MTHFS: variants seen among roughly 807,000 people sequenced by gnomAD.
MTHFS encodes the protein 5-formyltetrahydrofolate cyclo-ligase.
In MTHFS, 7 loss-of-function variants were observed where a neutral mutation model predicts 12.7. The observed-to-expected ratio is 0.55, with a 90% CI of 0.31 to 1.03. MTHFS has a LOEUF of 1.03. MTHFS is among the 50% of genes least tolerant of loss of function. MTHFS has a pLI of 0.05. For missense variants in MTHFS, 252 were observed against 258.1 expected (o/e 0.98, Z 0.16); for synonymous variants, 100 against 97.1 (o/e 1.03, Z -0.18).
At chr15:79,858,850 T>C (rs1354282147) in intron 2 of MTHFS, among the ~76,000 whole-genome samples, 2 of 152,228 alleles carry the variant, frequency 1.3e-5, no homozygotes, top group Non-Finnish European at 2.9e-5. Flanking sequence ...AAAATAACTT[T>C]AAAATTACTT....
intron 2 of MTHFS, among the ~76,000 whole-genome samples, chr15:79,854,695 T>C (rs556159626): frequency 6.6e-6 from 1 of 152,322 alleles, no homozygotes; most frequent in East Asian, 1.9e-4. Context: ...TGCAGAAAAA[T>C]TTCCAGTCTT....
intron 1 of MTHFS, among the ~76,000 whole-genome samples, chr15:79,895,840 A>C (rs1299244193): frequency 6.6e-6 from 1 of 152,222 alleles, no homozygotes; most frequent in African/African-American, 2.4e-5. Flanking sequence ...ATTCCAAGGA[A>C]CATCAAGTTT....
chr15:79,885,445 G>GGAT (rs2034365662), intron 2 of MTHFS, among the ~76,000 whole-genome samples: 1 of 152,136 alleles, frequency 6.6e-6, no homozygotes, highest in African/African-American at 2.4e-5. Context: ...GTTTAGTTTT[G>GGAT]ACTCTCCAGT....
At chr15:79,847,075 C>T (rs1447845231) in intron 2 of MTHFS, among the ~76,000 whole-genome samples, 1 of 152,208 alleles carries the variant, frequency 6.6e-6, no homozygotes, top group African/African-American at 2.4e-5. Flanking sequence ...CTAGAGACCC[C>T]AGCAGGGGGA....
intron 2 of MTHFS, chr15:79,877,290 T>C (rs2034214750): frequency 6.6e-6 from 1 of 151,812 alleles, no homozygotes. Context: ...AGAGAGACAA[T>C]GTGGCAGGAA....
At chr15:79,857,924 G>A (rs140252529) in intron 2 of MTHFS, among the ~76,000 whole-genome samples, 9 of 148,478 alleles carry the variant, frequency 6.1e-5, no homozygotes, top group Non-Finnish European at 8.9e-5. Context: ...GCTGAGACAG[G>A]AGAATTGCTT....
At chr15:79,859,684 G>A (rs1566989628) in intron 2 of MTHFS, among the ~76,000 whole-genome samples, 5 of 152,062 alleles carry the variant, frequency 3.3e-5, no homozygotes. Flanking sequence ...CAGGCATAAT[G>A]GCGGGAGCCT....
At chr15:79,849,437 G>C (rs543191193) in intron 2 of MTHFS, among the ~76,000 whole-genome samples, 1 of 152,226 alleles carries the variant, frequency 6.6e-6, no homozygotes, top group South Asian at 2.1e-4. Context: ...CACTATGCTG[G>C]ATGTTTTTCC....
At chr15:79,846,978 T>C (rs2033628030) in intron 2 of MTHFS, among the ~76,000 whole-genome samples, 1 of 152,168 alleles carries the variant, frequency 6.6e-6, no homozygotes, top group African/African-American at 2.4e-5. Flanking sequence ...GCAGTTCAGT[T>C]AGTACAAAAT....
intron 2 of MTHFS, among the ~76,000 whole-genome samples, chr15:79,878,914 C>T (rs1478311668): frequency 6.7e-6 from 1 of 149,946 alleles, no homozygotes; most frequent in Admixed American, 6.7e-5. Context: ...ACAATAATAA[C>T]ATAAATGGGG....
At chr15:79,896,565 A>G (rs2141384376) in intron 1 of MTHFS, among the ~76,000 whole-genome samples, 1 of 152,316 alleles carries the variant, frequency 6.6e-6, no homozygotes, top group South Asian at 2.1e-4. Flanking sequence ...AGGGTTTTCG[A>G]GCACCAAAAG....
At chr15:79,856,081 T>A (rs1341598004) in intron 2 of MTHFS, among the ~76,000 whole-genome samples, 1 of 152,212 alleles carries the variant, frequency 6.6e-6, no homozygotes, top group East Asian at 1.9e-4. Flanking sequence ...TAGTTCTTTG[T>A]GGGATCATCA....
At chr15:79,895,124 G>T (rs567119310) in intron 1 of MTHFS, among the ~76,000 whole-genome samples, 15 of 152,152 alleles carry the variant, frequency 9.9e-5, no homozygotes, top group Non-Finnish European at 2.1e-4. Context: ...CAAAGGTTCT[G>T]AGAGATTATG....
At chr15:79,851,448 G>A (rs2033715427) in intron 2 of MTHFS, among the ~76,000 whole-genome samples, 1 of 152,166 alleles carries the variant, frequency 6.6e-6, no homozygotes, top group Admixed American at 6.5e-5. Flanking sequence ...TATATCCAAG[G>A]AGTGACTTGT....
chr15:79,892,549 T>C (rs1373263129), intron 1 of MTHFS, among the ~76,000 whole-genome samples: 1 of 152,248 alleles, frequency 6.6e-6, no homozygotes, highest in Admixed American at 6.5e-5. Context: ...GCTTTGGTAC[T>C]GACACTTGAA....
intron 2 of MTHFS, among the ~76,000 whole-genome samples, chr15:79,847,905 G>A (rs2033648252): frequency 6.6e-6 from 1 of 152,104 alleles, no homozygotes; most frequent in Non-Finnish European, 1.5e-5. Flanking sequence ...TGCTGGTGGG[G>A]GTGTAAAATA....
chr15:79,849,707 C>T (rs1480816193), intron 2 of MTHFS, among the ~76,000 whole-genome samples: 1 of 152,260 alleles, frequency 6.6e-6, no homozygotes, highest in South Asian at 2.1e-4. Flanking sequence ...AAGAGCCAAC[C>T]TGCTCTGATT....
intron 2 of MTHFS, among the ~76,000 whole-genome samples, chr15:79,872,142 A>G (rs1477545265): frequency 2.0e-5 from 3 of 151,016 alleles, no homozygotes; most frequent in Non-Finnish European, 4.4e-5. Context: ...AAGTATAGCT[A>G]CTTTATTTCA....
intron 2 of MTHFS, among the ~76,000 whole-genome samples, chr15:79,863,712 G>A (rs545614611): frequency 1.3e-5 from 2 of 152,210 alleles, no homozygotes; most frequent in Admixed American, 6.5e-5. Context: ...CTTTCCTCCT[G>A]CTGACTACAA....
Sources: allele counts gnomAD v4.1 joint callset (sites outside exome capture counted in the v4.1 genomes callset), GRCh38; gene constraint gnomAD v4.1.1; transcripts MANE v1.5; gene names NCBI Gene and HGNC (gene_info 2026-07-23, HGNC 2026-07-21).